Variants in SLC10A7 observed in about 807,000 individuals in gnomAD.
The protein encoded by SLC10A7 is sodium/bile acid cotransporter 7.
A neutral mutation model predicts 43.2 loss-of-function variants in SLC10A7; 29 were observed. The observed-to-expected ratio is 0.67, with a 90% CI of 0.50 to 0.92. The LOEUF (loss-of-function observed/expected upper bound fraction) is 0.92, where lower values mean the gene tolerates loss of function less well. Among genes scored for constraint, SLC10A7 ranks in the 40% least tolerant of loss-of-function variants. The pLI, the probability that SLC10A7 is intolerant of heterozygous loss-of-function variation, is 0.00. For synonymous variants in SLC10A7, 152 were observed against 144.8 expected (o/e 1.05, Z -0.35); for missense variants, 295 against 403.2 (o/e 0.73, Z 2.30).
intron 2 of SLC10A7, among the ~76,000 whole-genome samples, chr4:146,516,482 A>ATATATG (rs1737996563): frequency 6.7e-6 from 1 of 148,346 alleles, no homozygotes; most frequent in Non-Finnish European, 1.5e-5. Context: ...ATATGTGTAT[A>ATATATG]TATATACACA....
At chr4:146,482,730 T>C (rs1414343487) in intron 4 of SLC10A7, among the ~76,000 whole-genome samples, 1 of 152,146 alleles carries the variant, frequency 6.6e-6, no homozygotes, top group Non-Finnish European at 1.5e-5. Flanking sequence ...GAGGCATCCA[T>C]ATCTATGAAG....
At chr4:146,327,301 A>G (rs1300661426) in intron 5 of SLC10A7, among the ~76,000 whole-genome samples, 1 of 152,240 alleles carries the variant, frequency 6.6e-6, no homozygotes, top group Non-Finnish European at 1.5e-5. Context: ...AGAGAATACA[A>G]TATTTTAATC....
intron 4 of SLC10A7, among the ~76,000 whole-genome samples, chr4:146,468,357 A>T (rs1232419470): frequency 6.6e-6 from 1 of 152,228 alleles, no homozygotes; most frequent in Non-Finnish European, 1.5e-5. Flanking sequence ...AGCTTCTGAT[A>T]AATTTGAAAA....
At chr4:146,488,837 A>C (rs1184578617) in intron 4 of SLC10A7, among the ~76,000 whole-genome samples, 1 of 152,230 alleles carries the variant, frequency 6.6e-6, no homozygotes, top group Non-Finnish European at 1.5e-5. Context: ...CACAGAACAA[A>C]GTTTACCTTA....
chr4:146,420,940 T>C (rs961257450), intron 5 of SLC10A7, among the ~76,000 whole-genome samples: 3 of 152,022 alleles, frequency 2.0e-5, no homozygotes, highest in African/African-American at 7.2e-5. Context: ...GGTGGGAGGA[T>C]TGCTTGAGCC....
At chr4:146,257,539 G>T (rs1356494769) in intron 11 of SLC10A7, among the ~76,000 whole-genome samples, 1 of 152,156 alleles carries the variant, frequency 6.6e-6, no homozygotes, top group Non-Finnish European at 1.5e-5. Context: ...ATGGTCTCAG[G>T]CCAGCTGCTC....
chr4:146,288,423 C>T (rs1463269427), intron 9 of SLC10A7, among the ~76,000 whole-genome samples: 5 of 152,176 alleles, frequency 3.3e-5, no homozygotes, highest in Non-Finnish European at 5.9e-5. Flanking sequence ...TTTCCAAAAA[C>T]GGAACTGGAA....
At chr4:146,442,337 C>T (rs971034073) in intron 5 of SLC10A7, 1 of 988,160 alleles carries the variant, frequency 1.0e-6, no homozygotes, top group Non-Finnish European at 1.2e-6. Context: ...CAGAAGCATC[C>T]AAGCCAGTAG....
At chr4:146,444,021 G>A (rs143751723) in intron 4 of SLC10A7, among the ~76,000 whole-genome samples, 2,663 of 152,106 alleles carry the variant, frequency 0.018, 70 homozygotes, top group African/African-American at 0.061. Context: ...GGTTGTATGG[G>A]GAGCAGTGAA....
At chr4:146,488,044 A>G (rs1330139150) in intron 4 of SLC10A7, among the ~76,000 whole-genome samples, 1 of 152,096 alleles carries the variant, frequency 6.6e-6, no homozygotes, top group Middle Eastern at 3.2e-3. Flanking sequence ...TTTTTTAATT[A>G]GTCAAGCATG....
chr4:146,304,970 C>A (rs991105205), intron 7 of SLC10A7, among the ~76,000 whole-genome samples: 11 of 151,970 alleles, frequency 7.2e-5, no homozygotes, highest in African/African-American at 2.4e-4. Flanking sequence ...ATAGTTAGCT[C>A]TTGGTGGGAC....
chr4:146,411,786 A>T (rs1054204308), intron 5 of SLC10A7, among the ~76,000 whole-genome samples: 1 of 152,158 alleles, frequency 6.6e-6, no homozygotes, highest in African/African-American at 2.4e-5. Context: ...CCTATAGGTG[A>T]TCTGTTTCTT....
At chr4:146,443,408 A>G (rs543231632) in intron 4 of SLC10A7, among the ~76,000 whole-genome samples, 1 of 152,292 alleles carries the variant, frequency 6.6e-6, no homozygotes, top group South Asian at 2.1e-4. Context: ...TCAAAGAAAA[A>G]ATATTTGACT....
chr4:146,274,987 T>G (rs756324247), intron 10 of SLC10A7, among the ~76,000 whole-genome samples: 2 of 152,110 alleles, frequency 1.3e-5, no homozygotes, highest in African/African-American at 4.8e-5. Flanking sequence ...TTCTGCTAGA[T>G]CAAAGCTTCC....
intron 5 of SLC10A7, among the ~76,000 whole-genome samples, chr4:146,439,254 T>C (rs539764919): frequency 6.6e-6 from 1 of 152,202 alleles, no homozygotes; most frequent in South Asian, 2.1e-4. Context: ...TAATAATTAG[T>C]TCCTAAAAAC....
At chr4:146,356,935 T>C (rs1379828237) in intron 5 of SLC10A7, among the ~76,000 whole-genome samples, 2 of 152,208 alleles carry the variant, frequency 1.3e-5, no homozygotes, top group Admixed American at 6.5e-5. Context: ...TATACCTTTA[T>C]TGAAAGTTTC....
At chr4:146,490,972 A>C (rs1735341185) in intron 4 of SLC10A7, among the ~76,000 whole-genome samples, 1 of 152,252 alleles carries the variant, frequency 6.6e-6, no homozygotes. Context: ...AGTAGTTCCC[A>C]CAAAGAAAAC....
intron 4 of SLC10A7, among the ~76,000 whole-genome samples, chr4:146,465,413 C>G (rs944459430): frequency 1.3e-5 from 2 of 152,026 alleles, no homozygotes; most frequent in African/African-American, 4.8e-5. Context: ...ATTCTGGCAG[C>G]CTTTTGAAAA....
intron 7 of SLC10A7, among the ~76,000 whole-genome samples, chr4:146,294,949 T>C (rs1262748531): frequency 1.3e-5 from 2 of 152,178 alleles, no homozygotes; most frequent in African/African-American, 4.8e-5. Flanking sequence ...CTGAGACATA[T>C]TAAGTTTTGA....
Sources: gnomAD v4.1 joint callset for allele counts (sites outside exome capture counted in the v4.1 genomes callset) on GRCh38, gnomAD v4.1.1 for gene constraint, MANE v1.5 for transcripts, NCBI Gene and HGNC (gene_info 2026-07-23, HGNC 2026-07-21) for gene names.